Variants in KHDRBS2 observed in about 807,000 individuals in gnomAD.
The protein encoded by KHDRBS2 is KH domain-containing, RNA-binding, signal transduction-associated protein 2.
In KHDRBS2, 26 loss-of-function variants were observed where a neutral mutation model predicts 44.3. The ratio of observed to expected loss-of-function variants is 0.59; its 90% CI spans 0.43 to 0.81. KHDRBS2 has a LOEUF of 0.81. Ranked by LOEUF, KHDRBS2 falls within the 40% of genes least tolerant of loss-of-function variation. KHDRBS2 has a pLI of 0.00. For missense variants in KHDRBS2, 476 were observed against 433.1 expected, an observed-to-expected ratio of 1.10 and a Z score of -0.88; for synonymous variants, 194 against 151.1, an observed-to-expected ratio of 1.28 and a Z score of -2.08.
chr6:62,156,673 G>C (rs1415052114), intron 2 of KHDRBS2, among the ~76,000 whole-genome samples: 1 of 151,728 alleles, frequency 6.6e-6, no homozygotes, highest in Non-Finnish European at 1.5e-5. Flanking sequence ...TTTTTGAGAC[G>C]GAGTCTCGCT....
intron 3 of KHDRBS2, among the ~76,000 whole-genome samples, chr6:62,031,591 A>C (rs1006801635): frequency 2.6e-5 from 4 of 152,086 alleles, no homozygotes; most frequent in African/African-American, 9.7e-5. Flanking sequence ...AAATATATCA[A>C]TGGTAGTCTG....
At chr6:61,777,142 G>A (rs776985558) in intron 6 of KHDRBS2, among the ~76,000 whole-genome samples, 4 of 151,828 alleles carry the variant, frequency 2.6e-5, no homozygotes, top group African/African-American at 4.8e-5. Flanking sequence ...CTGTTGGGGG[G>A]TGGGGGAAGG....
At chr6:61,620,253 A>T in the KHDRBS2 span, among the ~76,000 whole-genome samples, 1 of 152,208 alleles carries the variant, frequency 6.6e-6, no homozygotes, top group Non-Finnish European at 1.5e-5. Flanking sequence ...CATTAAAAAA[A>T]AAATTCTTAA....
chr6:61,961,691 G>A (rs968883474), intron 4 of KHDRBS2, among the ~76,000 whole-genome samples: 3 of 152,108 alleles, frequency 2.0e-5, no homozygotes, highest in Admixed American at 6.6e-5. Flanking sequence ...CCTGACTTGC[G>A]CATGGGTACA....
the KHDRBS2 span, among the ~76,000 whole-genome samples, chr6:61,562,492 C>G: frequency 2.0e-5 from 3 of 152,074 alleles, no homozygotes; most frequent in South Asian, 2.1e-4. Flanking sequence ...TTTCCTTTCC[C>G]CCTTTTTCTT....
intron 6 of KHDRBS2, among the ~76,000 whole-genome samples, chr6:61,793,480 T>C (rs1286512037): frequency 6.6e-6 from 1 of 151,968 alleles, no homozygotes; most frequent in South Asian, 2.1e-4. Flanking sequence ...CAGGAACTTA[T>C]CAACTTAGGT....
the KHDRBS2 span, among the ~76,000 whole-genome samples, chr6:61,607,425 T>C: frequency 1.4e-5 from 2 of 141,432 alleles, no homozygotes; most frequent in Non-Finnish European, 3.0e-5. Flanking sequence ...TAAAAAACAA[T>C]AAAATAGATA....
At chr6:62,002,080 T>G (rs904048356) in intron 3 of KHDRBS2, among the ~76,000 whole-genome samples, 6 of 152,074 alleles carry the variant, frequency 3.9e-5, no homozygotes, top group Non-Finnish European at 8.8e-5. Context: ...TTAGAGCACC[T>G]TTTTTGATTA....
intron 8 of KHDRBS2, among the ~76,000 whole-genome samples, chr6:61,682,121 G>GC (rs1766374167): frequency 6.6e-6 from 1 of 151,902 alleles, no homozygotes; most frequent in East Asian, 1.9e-4. Flanking sequence ...TAGGGCATTT[G>GC]CCCCCAGATA....
the KHDRBS2 span, among the ~76,000 whole-genome samples, chr6:61,656,664 A>G: frequency 2.0e-5 from 3 of 152,008 alleles, no homozygotes; most frequent in Non-Finnish European, 4.4e-5. Flanking sequence ...ACCAGGGTCT[A>G]CTTCAAGCTA....
chr6:61,556,325 C>A, the KHDRBS2 span, among the ~76,000 whole-genome samples: 1 of 152,134 alleles, frequency 6.6e-6, no homozygotes, highest in Admixed American at 6.5e-5. Flanking sequence ...GTGCCAATGT[C>A]CATGCTAGAA....
chr6:61,624,437 C>A, the KHDRBS2 span, among the ~76,000 whole-genome samples: 1 of 152,138 alleles, frequency 6.6e-6, no homozygotes, highest in African/African-American at 2.4e-5. Flanking sequence ...AGGAGATCAC[C>A]CTCACAGGGA....
At chr6:61,672,315 T>C in the KHDRBS2 span, among the ~76,000 whole-genome samples, 14 of 152,176 alleles carry the variant, frequency 9.2e-5, no homozygotes, top group South Asian at 2.1e-4. Flanking sequence ...TACGTGTGCA[T>C]GTGTCTTTAT....
chr6:61,883,222 A>T (rs9354269), intron 6 of KHDRBS2, among the ~76,000 whole-genome samples: 1 of 151,674 alleles, frequency 6.6e-6, no homozygotes, highest in African/African-American at 2.4e-5. Context: ...TTTCAAAAAA[A>T]AGATAGAACT....
intron 6 of KHDRBS2, among the ~76,000 whole-genome samples, chr6:61,834,713 A>G (rs1485354635): frequency 6.6e-6 from 1 of 152,016 alleles, no homozygotes; most frequent in African/African-American, 2.4e-5. Context: ...AGGGTGCACT[A>G]AAAATAAGTC....
intron 6 of KHDRBS2, among the ~76,000 whole-genome samples, chr6:61,843,611 C>T (rs1287457030): frequency 6.6e-6 from 1 of 151,898 alleles, no homozygotes; most frequent in African/African-American, 2.4e-5. Flanking sequence ...GTGATCCACC[C>T]ACCTCAGCCT....
chr6:62,106,711 G>A (rs1478252251), intron 2 of KHDRBS2, among the ~76,000 whole-genome samples: 4 of 152,090 alleles, frequency 2.6e-5, no homozygotes, highest in African/African-American at 4.8e-5. Context: ...CTGGCAAACG[G>A]AATCCAGCAG....
chr6:62,121,304 C>T (rs992427444), intron 2 of KHDRBS2, among the ~76,000 whole-genome samples: 1 of 152,170 alleles, frequency 6.6e-6, no homozygotes, highest in South Asian at 2.1e-4. Flanking sequence ...ATCCCTGGAG[C>T]GATTGCAAAG....
intron 1 of KHDRBS2, among the ~76,000 whole-genome samples, chr6:62,250,700 T>TA (rs759311420): frequency 1.3e-4 from 20 of 152,088 alleles, no homozygotes; most frequent in Admixed American, 1.1e-3. Flanking sequence ...CAATGGATGC[T>TA]AAATCTAGGA....
Sources: gnomAD v4.1 joint callset for allele counts (sites outside exome capture counted in the v4.1 genomes callset) on GRCh38, gnomAD v4.1.1 for gene constraint, MANE v1.5 for transcripts, NCBI Gene and HGNC (gene_info 2026-07-23, HGNC 2026-07-21) for gene names.